SUCLG2: variants seen among roughly 807,000 people sequenced by gnomAD.
The protein encoded by SUCLG2 is succinate-CoA ligase GDP-forming subunit beta, also known as succinate--CoA ligase [GDP-forming] subunit beta, mitochondrial.
In SUCLG2, 42 loss-of-function variants were observed where a neutral mutation model predicts 47.9. That is an observed-to-expected ratio of 0.88 (90% CI 0.69 to 1.14). The LOEUF is 1.14. Among genes scored for constraint, SUCLG2 ranks in the 50% most tolerant of loss-of-function variants. The pLI is 0.00. For synonymous variants in SUCLG2, 195 were observed against 197.3 expected (o/e 0.99, Z 0.10); for missense variants, 571 against 525.9 (o/e 1.09, Z -0.84).
intron 10 of SUCLG2, among the ~76,000 whole-genome samples, chr3:67,378,191 GATCA>G (rs1702076194): frequency 6.6e-6 from 1 of 152,192 alleles, no homozygotes; most frequent in Non-Finnish European, 1.5e-5. Flanking sequence ...GGTTTTCAAA[GATCA>G]ATCACTCTTG....
At chr3:67,552,331 CTATT>C (rs55981178) in intron 2 of SUCLG2, among the ~76,000 whole-genome samples, 7,436 of 152,190 alleles carry the variant, frequency 0.049, 237 homozygotes, top group African/African-American at 0.092. Flanking sequence ...CTTTTACTGT[CTATT>C]TAACCAAACA....
chr3:67,647,875 A>C (rs542355813), intron 1 of SUCLG2, among the ~76,000 whole-genome samples: 14 of 152,218 alleles, frequency 9.2e-5, no homozygotes, highest in Non-Finnish European at 2.1e-4. Flanking sequence ...TGGCTACTGC[A>C]AGGATGAAGT....
intron 1 of SUCLG2, among the ~76,000 whole-genome samples, chr3:67,618,503 C>A (rs2107328738): frequency 6.6e-6 from 1 of 152,282 alleles, no homozygotes; most frequent in East Asian, 1.9e-4. Context: ...CAGAAGAAGT[C>A]TGAAGGTGAG....
intron 9 of SUCLG2, among the ~76,000 whole-genome samples, chr3:67,476,443 C>T (rs746592537): frequency 6.6e-6 from 1 of 152,098 alleles, no homozygotes; most frequent in African/African-American, 2.4e-5. Context: ...TCTCTCCCAT[C>T]ACTACCAGAT....
chr3:67,652,236 G>C (rs1463721295), intron 1 of SUCLG2, among the ~76,000 whole-genome samples: 1 of 151,890 alleles, frequency 6.6e-6, no homozygotes. Flanking sequence ...ATAGGGAGGA[G>C]GTAGACAAAA....
intron 10 of SUCLG2, among the ~76,000 whole-genome samples, chr3:67,390,642 T>C (rs1411384222): frequency 6.7e-6 from 1 of 148,174 alleles, no homozygotes. Context: ...ACAAATTATC[T>C]GAAATGAGGG....
At chr3:67,628,089 ATCTT>A (rs922390423) in intron 1 of SUCLG2, among the ~76,000 whole-genome samples, 1 of 152,168 alleles carries the variant, frequency 6.6e-6, no homozygotes, top group African/African-American at 2.4e-5. Flanking sequence ...CATAGTCTCT[ATCTT>A]TCTAACTGGA....
At chr3:67,366,891 C>T (rs1339537370) in intron 10 of SUCLG2, among the ~76,000 whole-genome samples, 1 of 152,172 alleles carries the variant, frequency 6.6e-6, no homozygotes, top group East Asian at 1.9e-4. Context: ...GCTTCACCCC[C>T]ATGAAACACC....
intron 4 of SUCLG2, among the ~76,000 whole-genome samples, chr3:67,525,622 C>T (rs1175802101): frequency 6.6e-6 from 1 of 152,070 alleles, no homozygotes; most frequent in African/African-American, 2.4e-5. Context: ...ACAACTTATT[C>T]AAAAGTCAAC....
At chr3:67,429,266 T>C (rs1052286989) in intron 9 of SUCLG2, among the ~76,000 whole-genome samples, 4 of 152,196 alleles carry the variant, frequency 2.6e-5, no homozygotes, top group Non-Finnish European at 4.4e-5. Context: ...GCAGAAACTC[T>C]ACAAGCCAGA....
chr3:67,425,407 T>G lies in SUCLG2; in HGVS notation c.1063-24556A>C, dbSNP rs575107106. Among the ~76,000 whole-genome samples the G allele has an allele frequency of 2.6e-5, 4 of 152,166 alleles. No homozygotes were observed. In the South Asian group the frequency reaches 8.3e-4, roughly 32 times the overall value. ...TCTGGTAAAACATTATTTCTGAGGGTGTCTGAGAGTGTTTCCACAAGAGAT... is the reference window on the plus strand; with the variant it reads ...TCTGGTAAAACATTATTTCTGAGGGGGTCTGAGAGTGTTTCCACAAGAGAT... On this transcript the variant is annotated intron_variant, in intron 9 of 10. Transcript: ENST00000307227.
intron 9 of SUCLG2, among the ~76,000 whole-genome samples, chr3:67,488,493 C>G (rs1705121343): frequency 6.6e-6 from 1 of 152,210 alleles, no homozygotes; most frequent in South Asian, 2.1e-4. Context: ...GGATTTCAGC[C>G]TTGTTCTTCT....
At chr3:67,586,812 C>T (rs990949317) in intron 2 of SUCLG2, among the ~76,000 whole-genome samples, 3 of 152,118 alleles carry the variant, frequency 2.0e-5, no homozygotes, top group South Asian at 2.1e-4. Context: ...CAAGGTCACA[C>T]AAGTAGTAAT....
chr3:67,520,388 T>C, intron 5 of SUCLG2, 94 bp downstream of exon 5: 1 of 1,553,690 alleles, frequency 6.4e-7, no homozygotes. Flanking sequence ...TAGAGACAGA[T>C]TTAGTGCTCC....
At chr3:67,467,737 C>T (rs530466501) in intron 9 of SUCLG2, among the ~76,000 whole-genome samples, 1 of 151,936 alleles carries the variant, frequency 6.6e-6, no homozygotes, top group Non-Finnish European at 1.5e-5. Context: ...TTTATCCTGT[C>T]ATTTAATACT....
At position 67,429,545 on chromosome 3, in the gene SUCLG2, C is replaced by T. The variant is rs531864016; in HGVS notation, c.1063-28694G>A. 2.6e-5 allele frequency among the ~76,000 whole-genome samples: 4 copies of T among 152,210 alleles called. No homozygotes were observed. In the East Asian group the frequency reaches 7.7e-4, roughly 29 times the overall value. On this transcript the variant is annotated intron_variant, in intron 9 of 10. Transcript: ENST00000307227. ...GCTAGGAAGAAACTGCATCAACTAA[C>T]AAGAAAAATAATCAGCTAACATCAA...
intron 7 of SUCLG2, among the ~76,000 whole-genome samples, chr3:67,502,322 C>G (rs148724178): frequency 6.6e-6 from 1 of 152,182 alleles, no homozygotes; most frequent in Non-Finnish European, 1.5e-5. Flanking sequence ...AAAGTGCTTT[C>G]CTATCTTACT....
At chr3:67,400,248 G>A (rs1354186090) in intron 10 of SUCLG2, among the ~76,000 whole-genome samples, 1 of 149,410 alleles carries the variant, frequency 6.7e-6, no homozygotes, top group East Asian at 1.9e-4. Flanking sequence ...TAATACATAT[G>A]ATATATAAAA....
chr3:67,388,723 C>T (rs1702311695), intron 10 of SUCLG2, among the ~76,000 whole-genome samples: 1 of 152,188 alleles, frequency 6.6e-6, no homozygotes, highest in Non-Finnish European at 1.5e-5. Flanking sequence ...AAGTCAGTGC[C>T]TAGTGTAGCT....
Sources: gnomAD v4.1 joint callset for allele counts (sites outside exome capture counted in the v4.1 genomes callset) on GRCh38, gnomAD v4.1.1 for gene constraint, MANE v1.5 for transcripts, NCBI Gene and HGNC (gene_info 2026-07-23, HGNC 2026-07-21) for gene names.